Variants in IFT140 observed in about 807,000 individuals in gnomAD.
The protein encoded by IFT140 is intraflagellar transport protein 140 homolog.
A neutral mutation model predicts 164.6 loss-of-function variants in IFT140; 133 were observed. That is an observed-to-expected ratio of 0.81 (90% CI 0.70 to 0.93). The LOEUF is 0.93. Ranked by LOEUF, IFT140 falls within the 40% of genes least tolerant of loss-of-function variation. IFT140 has a pLI of 0.00. For synonymous variants in IFT140, 860 were observed against 817.3 expected (o/e 1.05, Z -0.89); for missense variants, 2,045 against 1,972.3 (o/e 1.04, Z -0.70).
At position 1,538,348 on chromosome 16, in the gene IFT140, C is replaced by G. The variant is rs748500328; in HGVS notation, c.2400-11552G>C. Among the ~76,000 whole-genome samples, 28 of 152,170 alleles carry G rather than the reference C, an allele frequency of 1.8e-4. 1 individual carries two copies. Among genetic ancestry groups the G allele is most frequent in the Non-Finnish European group, 3.2e-4 (22 of 68,020 alleles). The stretch of plus-strand genomic sequence containing the variant: ...AAGGCTGAGAGGCCAGGGCTGAGGG[C>G]GAGAGGACAGGTCAGGGGTGCGTCT... On this transcript the variant is annotated intron_variant, in intron 19 of 30. Coordinates refer to ENST00000426508, the MANE Select transcript of IFT140 (RefSeq NM_014714.4).
rs952168015 is a variant in IFT140, at chr16:1,554,139, T to C, written c.2399+3796A>G. 14 of 1,286,900 alleles carry C rather than the reference T, an allele frequency of 1.1e-5. No individual in the cohort carries two copies. In the Admixed American group the frequency reaches 3.2e-4, roughly 30 times the overall value. 79.7% of individuals were successfully genotyped at this position (1,286,900 alleles called of 1,614,324 possible). A position where few individuals can be genotyped will look rare whatever the true frequency, so the allele number is the denominator to read the frequency against. ...CTCGGAAGTGAGGGAAGACACCAGATATAGCCAAGGAGCCCTAGACAAGGC... is the reference window on the plus strand; with the variant it reads ...CTCGGAAGTGAGGGAAGACACCAGACATAGCCAAGGAGCCCTAGACAAGGC... On this transcript the variant is annotated intron_variant, in intron 19 of 30. Coordinates refer to ENST00000426508, the MANE Select transcript of IFT140 (RefSeq NM_014714.4).
At chr16:1,557,005 G>T (rs879588315) in intron 19 of IFT140, among the ~76,000 whole-genome samples, 25 of 151,906 alleles carry the variant, frequency 1.6e-4, no homozygotes, top group Admixed American at 1.3e-4. Context: ...GAGATGGGGG[G>T]GCGGTTCTCC....
chr16:1,565,983 A>T (rs945457762), intron 16 of IFT140, among the ~76,000 whole-genome samples, 178 bp downstream of exon 16: 1 of 152,252 alleles, frequency 6.6e-6, no homozygotes, highest in Non-Finnish European at 1.5e-5. Flanking sequence ...AAGGACAGAG[A>T]CTAAGAACTC....
Position 1,591,043 on chromosome 16 carries a change from C to T in IFT140, c.634+1133G>A, listed in dbSNP as rs545337962. Among the ~76,000 whole-genome samples the T allele has an allele frequency of 3.3e-5, 5 of 152,336 alleles. No homozygotes were observed. In the South Asian group the frequency reaches 8.3e-4, roughly 25 times the overall value. On this transcript the variant is annotated intron_variant, in intron 6 of 30. Coordinates refer to ENST00000426508, the MANE Select transcript of IFT140 (RefSeq NM_014714.4). ...TCAGTTCTAAGCATCTTTACGATAA[C>T]TGGGTAGACACCAGTATTACCCCCT...
intron 19 of IFT140, chr16:1,557,693 T>C (rs2033176132): frequency 1.9e-6 from 1 of 535,364 alleles, no homozygotes; most frequent in Admixed American, 3.2e-5. Context: ...ACGGCAGAAC[T>C]TTCCACTAGG....
chr16:1,579,612 C>T (rs548029770), intron 13 of IFT140: 1 of 152,244 alleles, frequency 6.6e-6, no homozygotes, highest in African/African-American at 2.4e-5. Flanking sequence ...TGTCTGCCCC[C>T]AGGTTCCAGC....
chr16:1,589,491 G>T, intron 7 of IFT140, 114 bp downstream of exon 7: 2 of 1,077,366 alleles, frequency 1.9e-6, no homozygotes, highest in Non-Finnish European at 2.7e-6. Flanking sequence ...CCCTAACTCA[G>T]TTGATAGGCT....
At position 1,592,502 on chromosome 16, in the gene IFT140, G is replaced by A. The variant is rs1413072569; in HGVS notation, c.456C>T (p.Leu152=). 8.1e-6 allele frequency: 13 copies of A among 1,614,236 alleles called. No homozygotes were observed. Among genetic ancestry groups the A allele is most frequent in the Non-Finnish European group, 1.1e-5 (13 of 1,180,038 alleles). The change falls in exon 5 of 31, where the codon CTC becomes CTT. Residue 152 remains leucine (L), a synonymous_variant. Transcript: ENST00000426508. The part of the protein sequence containing the change: ...PLLKHEYGKH[L]THCIFRLPPP... ...GGGGGAGCCGGAAGATGCAGTGCGT[G>A]AGGTGTTTCCCATACTCGTGTTTCA...
intron 4 of IFT140, among the ~76,000 whole-genome samples, chr16:1,593,552 G>A (rs185635597): frequency 2.3e-4 from 35 of 152,208 alleles, no homozygotes; most frequent in South Asian, 6.2e-4. Context: ...TCTGGCCGCC[G>A]TGTCTCCTCA....
intron 6 of IFT140, among the ~76,000 whole-genome samples, chr16:1,591,075 C>T (rs2035154305): frequency 6.6e-6 from 1 of 152,210 alleles, no homozygotes; most frequent in Admixed American, 6.5e-5. Flanking sequence ...CCCTTTTCCA[C>T]ATAAGGACGT....
chr16:1,520,042 C>T lies in IFT140; in HGVS notation c.3879G>A (p.Glu1293=), dbSNP rs2040472652. The part of the protein sequence containing the change: ...AGFYDACAQV[E]IDEYQNYDKA... ...TGTCGTAGTTCTGGTATTCATCAAT[C>T]TCCACCTGTACAGATGAAACCCGTC... Residue 1293 remains glutamate (E), a synonymous_variant, in exon 29 of 31, where the codon GAG becomes GAA. Transcript: ENST00000426508. The T allele has an allele frequency of 1.2e-6, 2 of 1,602,190 alleles. No individual in the cohort carries two copies. The highest frequency in any genetic ancestry group is 4.5e-5 in the East Asian group (2 of 44,664).
chr16:1,581,924 ATGTGGGAAAGATC>A, intron 12 of IFT140, among the ~76,000 whole-genome samples: 1 of 152,116 alleles, frequency 6.6e-6, no homozygotes, highest in South Asian at 2.1e-4. Flanking sequence ...AGAAAAAAAA[ATGTGGGAAAGATC>A]TGAGGGAGAG....
Position 1,551,140 on chromosome 16 carries a change from C to T in IFT140, c.2399+6795G>A, listed in dbSNP as rs181144676. Reference sequence around the variant, plus strand: ...TCACGTCTACTTTGGTCTCCTCAAACGATTAACTCAAAAAGTAATTGCGGA... The same window carrying T: ...TCACGTCTACTTTGGTCTCCTCAAATGATTAACTCAAAAAGTAATTGCGGA... On this transcript the variant is annotated intron_variant, in intron 19 of 30. Transcript: ENST00000426508. The surrounding 1 kb of genome is among the most constrained non-coding windows in gnomAD (Gnocchi z 4.0). Among the ~76,000 whole-genome samples, 8 of 152,338 alleles carry T rather than the reference C, an allele frequency of 5.3e-5. No homozygotes were observed. Among genetic ancestry groups the T allele is most frequent in the Admixed American group, 1.3e-4 (2 of 15,306 alleles).
intron 12 of IFT140, among the ~76,000 whole-genome samples, chr16:1,582,104 G>C (rs1286360858): frequency 1.3e-5 from 2 of 152,086 alleles, no homozygotes; most frequent in Non-Finnish European, 2.9e-5. Context: ...GGGGGGAGCT[G>C]AGCTGCACAT....
chr16:1,593,714 G>T (rs2035308450), intron 4 of IFT140, among the ~76,000 whole-genome samples: 1 of 152,104 alleles, frequency 6.6e-6, no homozygotes, highest in African/African-American at 2.4e-5. Flanking sequence ...ACTTGGGGAG[G>T]AGGAGCATAA....
Position 1,584,207 on chromosome 16 carries a change from C to A in IFT140, c.1359+10G>T. 6.2e-7 allele frequency: 1 copy of A among 1,610,634 alleles called. No individual in the cohort carries two copies. Among genetic ancestry groups the A allele is most frequent in the East Asian group, 2.2e-5 (1 of 44,782 alleles). On this transcript the variant is annotated intron_variant, in intron 11 of 30. Coordinates refer to ENST00000426508, the MANE Select transcript of IFT140 (RefSeq NM_014714.4). ...TCTGTGTCCCACCCACGGGTCCCCT[C>A]GGCAGTCACCTTGGTGGCAAACACT...
intron 13 of IFT140, chr16:1,576,640 T>C (rs573475683): frequency 6.8e-6 from 1 of 147,290 alleles, no homozygotes; most frequent in African/African-American, 2.5e-5. Flanking sequence ...TTTGTAACAA[T>C]TTGAAAAAAC....
chr16:1,594,477 T>C (rs188143578), intron 4 of IFT140, among the ~76,000 whole-genome samples: 77 of 152,314 alleles, frequency 5.1e-4, no homozygotes, highest in African/African-American at 1.7e-3. Context: ...CACCTCTGCC[T>C]TCCAAAGTGC....
chr16:1,574,512 C>G (rs889261601), intron 13 of IFT140, among the ~76,000 whole-genome samples: 2 of 152,148 alleles, frequency 1.3e-5, no homozygotes, highest in Admixed American at 1.3e-4. Context: ...AACTCCTGGG[C>G]TAAAGCAATC....
Sources: allele counts gnomAD v4.1 joint callset (sites outside exome capture counted in the v4.1 genomes callset), GRCh38; gene constraint gnomAD v4.1.1; non-coding constraint Gnocchi (gnomAD v3.1); transcripts MANE v1.5; gene names NCBI Gene and HGNC (gene_info 2026-07-23, HGNC 2026-07-21).